The following KALRN variants were observed in gnomAD, a reference collection of about 807,000 sequenced individuals.
KALRN encodes the protein kalirin RhoGEF kinase, also known as kalirin.
A neutral mutation model predicts 353.7 loss-of-function variants in KALRN; 70 were observed. That is an observed-to-expected ratio of 0.20 (90% CI 0.16 to 0.24). The LOEUF (loss-of-function observed/expected upper bound fraction) is 0.24. Ranked by LOEUF, KALRN falls within the 10% of genes least tolerant of loss-of-function variation. KALRN has a pLI of 1.00. For missense variants in KALRN, 2,791 were observed against 3,756.7 expected, an observed-to-expected ratio of 0.74 and a Z score of 6.72; for synonymous variants, 1,391 against 1,434.8, an observed-to-expected ratio of 0.97 and a Z score of 0.69.
chr3:124,632,536 A>G lies in KALRN; in HGVS notation c.5299A>G (p.Asn1767Asp). The G allele has an allele frequency of 1.2e-6, 2 of 1,614,194 alleles. No homozygotes were observed. Among genetic ancestry groups the G allele is most frequent in the South Asian group, 1.1e-5 (1 of 91,082 alleles). ...TTCCCCGGGTCCCAAGCGCTCCACC[A>G]ACACTCTTAAGAAGTGGCTGACGAG... ...HSSPGPKRST[N>D]TLKKWLTSPV... Residue 1767 changes from asparagine to aspartate, a missense_variant, in exon 35 of 60, where the codon AAC (asparagine) becomes GAC (aspartate). By Grantham distance (23) the Asn-to-Asp change is conservative. This residue lies in a region of KALRN where 1,065 missense variants were observed against 1,156.4 expected (regional missense o/e 0.92). Coordinates refer to ENST00000682506, the MANE Select transcript of KALRN (RefSeq NM_001388419.1).
chr3:124,513,444 G>C (rs1244156424), intron 33 of KALRN, among the ~76,000 whole-genome samples: 3 of 152,140 alleles, frequency 2.0e-5, no homozygotes, highest in African/African-American at 4.8e-5. Flanking sequence ...AGGACACAGA[G>C]AGCGCCCACT....
chr3:124,587,023 T>C (rs1056837037), intron 34 of KALRN, among the ~76,000 whole-genome samples: 1 of 152,174 alleles, frequency 6.6e-6, no homozygotes, highest in Non-Finnish European at 1.5e-5. Context: ...TGAGCCTGAG[T>C]GCATGGCCCA....
In KALRN at chr3:124,374,540, G is replaced by A. The variant is rs191454066; in HGVS notation, c.1771-10305G>A. 24 of 152,326 alleles carry A rather than the reference G, an allele frequency of 1.6e-4. No individual in the cohort carries two copies. The East Asian group carries it at 4.2e-3, about 27-fold the overall frequency. 9.4% of individuals were successfully genotyped at this position (152,326 alleles called of 1,614,324 possible). ...CTAACAGGGATAGAAGCAGAAGTGT[G>A]GCCAAACCCTCTGATTTGGTCACCT... On this transcript the variant is annotated intron_variant, in intron 10 of 59. Transcript: ENST00000682506.
intron 10 of KALRN, among the ~76,000 whole-genome samples, chr3:124,351,114 A>C (rs2082790783): frequency 6.6e-6 from 1 of 152,176 alleles, no homozygotes. Context: ...GTGGTGAAAA[A>C]GGGGTAAACT....
At chr3:124,579,237 T>C (rs1009889062) in intron 34 of KALRN, among the ~76,000 whole-genome samples, 1 of 152,166 alleles carries the variant, frequency 6.6e-6, no homozygotes, top group African/African-American at 2.4e-5. Flanking sequence ...GACATTGTGG[T>C]ACACCTGGCC....
chr3:124,197,642 A>G (rs1307993102), intron 1 of KALRN, among the ~76,000 whole-genome samples: 2 of 152,138 alleles, frequency 1.3e-5, no homozygotes, highest in Non-Finnish European at 2.9e-5. Flanking sequence ...AGACCATTCT[A>G]ATGCTGTTTC....
intron 33 of KALRN, among the ~76,000 whole-genome samples, chr3:124,496,834 G>T (rs1281528943): frequency 6.6e-6 from 1 of 152,206 alleles, no homozygotes; most frequent in East Asian, 1.9e-4. Flanking sequence ...GATTTGAGAA[G>T]AGCTCATCTC....
chr3:124,082,210 G>T, intron 1 of KALRN: 1 of 468,938 alleles, frequency 2.1e-6, no homozygotes, highest in Non-Finnish European at 4.4e-6. Context: ...GCCAGGCTTA[G>T]ATTCTTCATT....
chr3:124,535,052 C>G (rs2068394280), intron 33 of KALRN, among the ~76,000 whole-genome samples: 1 of 151,954 alleles, frequency 6.6e-6, no homozygotes, highest in African/African-American at 2.4e-5. Context: ...ATAATAAATC[C>G]TAGACTAAAC....
chr3:124,325,819 G>A (rs1297034780), intron 6 of KALRN, among the ~76,000 whole-genome samples, 161 bp from the exon 7 acceptor site: 1 of 152,174 alleles, frequency 6.6e-6, no homozygotes, highest in Non-Finnish European at 1.5e-5. Context: ...TGTAGAAAAA[G>A]ATTTCCCTTG....
intron 26 of KALRN, among the ~76,000 whole-genome samples, chr3:124,476,211 T>G (rs552879750): frequency 6.6e-6 from 1 of 151,920 alleles, no homozygotes; most frequent in Admixed American, 6.5e-5. Context: ...AGAAGTTGTT[T>G]GTTATGTATT....
At chr3:124,463,052 T>G (rs1237513058) in intron 25 of KALRN, among the ~76,000 whole-genome samples, 3 of 152,242 alleles carry the variant, frequency 2.0e-5, no homozygotes, top group African/African-American at 7.2e-5. Context: ...ATCCTCATTT[T>G]ATTTCACATT....
At chr3:124,091,781 G>A (rs2061133855) in intron 1 of KALRN, among the ~76,000 whole-genome samples, 1 of 152,094 alleles carries the variant, frequency 6.6e-6, no homozygotes, top group Admixed American at 6.5e-5. Flanking sequence ...GATGAAAGAA[G>A]GAGCCACTGT....
rs78260191 is a variant in KALRN, at chr3:124,632,440, A to G, written c.5203A>G (p.Ser1735Gly). The G allele has an allele frequency of 6.2e-7, 1 of 1,613,856 alleles. No homozygotes were observed. The highest frequency in any genetic ancestry group is 1.1e-5 in the South Asian group (1 of 91,062). Residue 1735 changes from serine to glycine, a missense_variant, in exon 35 of 60, where the codon AGC becomes GGC. Transcript: ENST00000682506. The part of the protein sequence containing the change: ...LVKDAYSHSS[S>G]ENGGKSESVA... ...CTCAGATGCATACTCTCATTCCTCA[A>G]GCGAGAATGGAGGCAAGTCCGAGTC...
In KALRN at chr3:124,492,115, A is replaced by T. The variant is rs187952280; in HGVS notation, c.4690-625A>T. 2.0e-3 allele frequency among the ~76,000 whole-genome samples: 301 copies of T among 152,218 alleles called. 2 individuals are homozygous for T. The highest frequency in any genetic ancestry group is 1.9e-3 in the Non-Finnish European group (131 of 68,016). On this transcript the variant is annotated intron_variant, in intron 31 of 59. Coordinates refer to ENST00000682506, the MANE Select transcript of KALRN (RefSeq NM_001388419.1). Reference sequence around the variant, plus strand: ...CCATCACCAAGGAAAAAATGGTCCAACCCCGACAAAAGCTTCACATGTATT... The same window carrying T: ...CCATCACCAAGGAAAAAATGGTCCATCCCCGACAAAAGCTTCACATGTATT...
At chr3:124,644,308 G>A (rs2082440068) in intron 37 of KALRN, among the ~76,000 whole-genome samples, 1 of 151,852 alleles carries the variant, frequency 6.6e-6, no homozygotes, top group African/African-American at 2.4e-5. Context: ...CTGTGTTGTG[G>A]CAAATGGCAG....
chr3:124,669,520 C>T (rs1455240210), intron 47 of KALRN, among the ~76,000 whole-genome samples: 1 of 152,194 alleles, frequency 6.6e-6, no homozygotes, highest in Non-Finnish European at 1.5e-5. Context: ...TATCACAATT[C>T]CATGTGATGG....
chr3:124,465,240 A>G (rs2060218818), intron 25 of KALRN, among the ~76,000 whole-genome samples: 1 of 152,052 alleles, frequency 6.6e-6, no homozygotes, highest in African/African-American at 2.4e-5. Context: ...TCTAGTAAAT[A>G]AGAGATAGAA....
intron 1 of KALRN, among the ~76,000 whole-genome samples, chr3:124,109,252 G>A (rs373279954): frequency 2.5e-4 from 37 of 150,894 alleles, no homozygotes; most frequent in African/African-American, 6.8e-4. Context: ...GCAATTTCTC[G>A]TTGTATAGTC....
Sources: gnomAD v4.1 joint callset for allele counts (sites outside exome capture counted in the v4.1 genomes callset) on GRCh38, gnomAD v4.1.1 for gene constraint, gnomAD v4.1.1 regional missense constraint, MANE v1.5 for transcripts, NCBI Gene and HGNC (gene_info 2026-07-23, HGNC 2026-07-21) for gene names.